The following XRCC1 variants were observed in gnomAD, a reference collection of about 807,000 sequenced individuals.
XRCC1 encodes the protein X-ray repair cross complementing 1, also known as DNA repair protein XRCC1.
A neutral mutation model predicts 83.3 loss-of-function variants in XRCC1; 52 were observed. The ratio of observed to expected loss-of-function variants is 0.62; its 90% CI spans 0.50 to 0.79. XRCC1 has a LOEUF of 0.79. XRCC1 is among the 30% of genes least tolerant of loss of function. The pLI, the probability that XRCC1 is intolerant of heterozygous loss-of-function variation, is 0.00. For missense variants in XRCC1, 793 were observed against 823.5 expected, an observed-to-expected ratio of 0.96 and a Z score of 0.45; for synonymous variants, 281 against 312.6, an observed-to-expected ratio of 0.90 and a Z score of 1.07.
chr19:43,547,808 C>A (rs912922064), intron 10 of XRCC1, among the ~76,000 whole-genome samples: 1 of 152,116 alleles, frequency 6.6e-6, no homozygotes, highest in Admixed American at 6.6e-5. Context: ...AATTCCCCTC[C>A]CTCTTGGGGA....
chr19:43,571,046 C>A (rs922864548), intron 2 of XRCC1, among the ~76,000 whole-genome samples: 1 of 152,214 alleles, frequency 6.6e-6, no homozygotes, highest in African/African-American at 2.4e-5. Context: ...CCAGCAGGAT[C>A]CTGTGAAGGC....
chr19:43,556,579 G>C (rs1288258344), intron 3 of XRCC1, among the ~76,000 whole-genome samples: 2 of 151,546 alleles, frequency 1.3e-5, no homozygotes, highest in African/African-American at 4.9e-5. Context: ...CAAGGCAGGC[G>C]GATCATTTGA....
At chr19:43,547,392 G>A (rs560604186) in intron 10 of XRCC1, among the ~76,000 whole-genome samples, 70 of 151,716 alleles carry the variant, frequency 4.6e-4, no homozygotes, top group Admixed American at 1.6e-3. Flanking sequence ...CACCATGTTG[G>A]CCAGGATGGT....
At chr19:43,547,607 C>A (rs1162151466) in intron 10 of XRCC1, among the ~76,000 whole-genome samples, 9 of 151,870 alleles carry the variant, frequency 5.9e-5, no homozygotes, top group Admixed American at 3.9e-4. Context: ...TCAGCCTCCC[C>A]AGTAACTGCG....
chr19:43,543,396 G>T lies in XRCC1; in HGVS notation c.1898C>A (p.Ala633Asp). The T allele has an allele frequency of 6.3e-7, 1 of 1,598,756 alleles. No homozygotes were observed. The change falls in exon 17 of 17, where the codon GCC becomes GAC. Residue 633 changes from alanine to aspartate, a missense_variant. Physicochemically the swap from Ala to Asp is moderately radical, Grantham distance 126 (BLOSUM62 -2). Coordinates refer to ENST00000262887, the MANE Select transcript of XRCC1 (RefSeq NM_006297.3). ...PHQLYGVVPQ[A>D] is the part of the protein sequence containing the mutation. ...TGTGTGTGTATAGCACATACTTCAG[G>T]CTTGCGGCACCACCCCATAGAGCTG...
intron 10 of XRCC1, among the ~76,000 whole-genome samples, chr19:43,550,566 T>C (rs942477995): frequency 1.3e-5 from 2 of 152,166 alleles, no homozygotes; most frequent in African/African-American, 2.4e-5. Flanking sequence ...ACTCAGGCCA[T>C]GGAGTACAAT....
intron 6 of XRCC1, 114 bp downstream of exon 6, chr19:43,553,287 C>T: frequency 7.8e-7 from 1 of 1,289,582 alleles, no homozygotes; most frequent in South Asian, 1.3e-5. Flanking sequence ...GTCCAGGACT[C>T]CACTACCCTC....
intron 2 of XRCC1, among the ~76,000 whole-genome samples, chr19:43,563,189 G>A (rs533704172): frequency 6.6e-6 from 1 of 152,300 alleles, no homozygotes; most frequent in East Asian, 1.9e-4. Context: ...CTGGGCTCAT[G>A]AGATGTCCCA....
At chr19:43,575,242 C>G (rs928296870) in intron 1 of XRCC1, among the ~76,000 whole-genome samples, 166 bp downstream of exon 1, 1 of 152,196 alleles carries the variant, frequency 6.6e-6, no homozygotes, top group Admixed American at 6.5e-5. Flanking sequence ...GTTCCCTAGA[C>G]GCCGGAACGT....
rs929467737 is a variant in XRCC1, at chr19:43,546,679, G to A, written c.1342C>T (p.Pro448Ser). ...TCTTCAGGGGTTGGGGGCTTCTGGG[G>A]TGAGCTGGGTCCAGCTGCCTGAGTG... ...KPTQAAGPSS[P>S]QKPPTPEETK... Residue 448 changes from proline to serine, a missense_variant, in exon 12 of 17, where the codon CCC becomes TCC. By Grantham distance (74) the Pro-to-Ser change is moderately conservative. Coordinates refer to ENST00000262887, the MANE Select transcript of XRCC1 (RefSeq NM_006297.3). 7 of 1,610,210 alleles carry A rather than the reference G, an allele frequency of 4.3e-6. No homozygotes were observed. Among genetic ancestry groups the A allele is most frequent in the Non-Finnish European group, 5.9e-6 (7 of 1,179,010 alleles).
chr19:43,560,388 A>G (rs575672386), intron 3 of XRCC1, among the ~76,000 whole-genome samples: 1 of 151,694 alleles, frequency 6.6e-6, no homozygotes, highest in South Asian at 2.1e-4. Flanking sequence ...CGACAGAGCG[A>G]GACTCCGTCT....
At chr19:43,550,825 C>T (rs1215580886) in intron 10 of XRCC1, among the ~76,000 whole-genome samples, 3 of 152,198 alleles carry the variant, frequency 2.0e-5, no homozygotes, top group Admixed American at 2.0e-4. Flanking sequence ...TCGCTCTCTG[C>T]GGGCCACCCT....
chr19:43,550,242 A>G (rs1381036321), intron 10 of XRCC1, among the ~76,000 whole-genome samples: 1 of 151,832 alleles, frequency 6.6e-6, no homozygotes, highest in East Asian at 1.9e-4. Flanking sequence ...GATCAAACCC[A>G]CTAATATTTC....
chr19:43,574,659 C>A (rs189887081), intron 2 of XRCC1: 5 of 474,138 alleles, frequency 1.1e-5, no homozygotes, highest in Non-Finnish European at 1.9e-5. Context: ...GCTGAGGAAA[C>A]TGGAACCCAG....
intron 2 of XRCC1, among the ~76,000 whole-genome samples, chr19:43,568,292 T>C (rs1441677974): frequency 6.6e-6 from 1 of 151,964 alleles, no homozygotes; most frequent in Non-Finnish European, 1.5e-5. Flanking sequence ...AGGTCAGGAA[T>C]TCAAGACCAG....
chr19:43,551,053 T>C (rs891796418), intron 10 of XRCC1, among the ~76,000 whole-genome samples: 1 of 152,136 alleles, frequency 6.6e-6, no homozygotes, highest in African/African-American at 2.4e-5. Flanking sequence ...GGCACGATTT[T>C]GGCTTCCAGG....
chr19:43,551,633 G>A lies in XRCC1; in HGVS notation c.1137C>T (p.Arg379=), dbSNP rs368206391. 12 of 1,614,122 alleles carry A rather than the reference G, an allele frequency of 7.4e-6. No individual in the cohort carries two copies. Among genetic ancestry groups the A allele is most frequent in the African/African-American group, 2.7e-5 (2 of 74,948 alleles). Residue 379 remains arginine, a synonymous_variant, in exon 10 of 17, where the codon CGC becomes CGT. Transcript: ENST00000262887. ...KYSQVLGLGG[R]IVRKEWVLDC... is the part of the protein sequence containing the mutation. ...CCAGCACCCACTCCTTACGCACGAT[G>A]CGGCCTCCCAGGCCTAGGACCTGGC...
chr19:43,558,899 G>A (rs1375723615), intron 3 of XRCC1, among the ~76,000 whole-genome samples: 1 of 151,594 alleles, frequency 6.6e-6, no homozygotes, highest in Non-Finnish European at 1.5e-5. Flanking sequence ...TACTTTGGGA[G>A]GCCAAGGTGG....
At chr19:43,549,860 CA>C (rs1429592097) in intron 10 of XRCC1, among the ~76,000 whole-genome samples, 3 of 151,980 alleles carry the variant, frequency 2.0e-5, no homozygotes, top group African/African-American at 4.8e-5. Flanking sequence ...TTGTTAAGAC[CA>C]GTTGCAAATC....
Sources: gnomAD v4.1 joint callset for allele counts (sites outside exome capture counted in the v4.1 genomes callset) on GRCh38, gnomAD v4.1.1 for gene constraint, MANE v1.5 for transcripts, NCBI Gene and HGNC (gene_info 2026-07-23, HGNC 2026-07-21) for gene names.